Variants in DOCK5 observed in about 807,000 individuals in gnomAD.
The protein encoded by DOCK5 is dedicator of cytokinesis 5.
DOCK5 carries 142 observed loss-of-function variants against 251.8 expected under a neutral mutation model. The ratio of observed to expected loss-of-function variants is 0.56; its 90% confidence interval spans 0.49 to 0.65. The LOEUF (loss-of-function observed/expected upper bound fraction) is 0.65, where lower values mean the gene tolerates loss of function less well. DOCK5 is among the 30% of genes least tolerant of loss of function. DOCK5 has a pLI of 0.00. For synonymous variants in DOCK5, 842 were observed against 835.5 expected (o/e 1.01, Z -0.13); for missense variants, 2,111 against 2,312.3 (o/e 0.91, Z 1.79).
chr8:25,239,341 A>G (rs139076501), intron 1 of DOCK5, among the ~76,000 whole-genome samples: 1,495 of 142,148 alleles, frequency 0.011, 15 homozygotes, highest in African/African-American at 0.032. Context: ...GTGTGTGTGT[A>G]TGTGTGTGTG....
intron 1 of DOCK5, among the ~76,000 whole-genome samples, chr8:25,204,927 A>G (rs1801965178): frequency 6.6e-6 from 1 of 152,156 alleles, no homozygotes; most frequent in Admixed American, 6.5e-5. Flanking sequence ...CCTATGTTGA[A>G]GCCTCAGCCC....
chr8:25,270,905 A>G (rs1359694220), intron 3 of DOCK5: 2 of 671,752 alleles, frequency 3.0e-6, no homozygotes, highest in Admixed American at 2.0e-5. Context: ...ACTTTAAATC[A>G]TGTCTAGATT....
intron 1 of DOCK5, among the ~76,000 whole-genome samples, chr8:25,199,964 T>C (rs1586222778): frequency 2.5e-4 from 1 of 4,038 alleles, no homozygotes; most frequent in African/African-American, 8.7e-4. Context: ...TTGTTTTAGA[T>C]TTGTTAATTT....
chr8:25,216,182 AAT>A (rs200972375), intron 1 of DOCK5, among the ~76,000 whole-genome samples: 8,326 of 112,632 alleles, frequency 0.074, 422 homozygotes, highest in Admixed American at 0.12. Context: ...ATGTGCATAC[AAT>A]ATGTATATAT....
At chr8:25,250,692 G>C (rs1381043009) in intron 2 of DOCK5, among the ~76,000 whole-genome samples, 2 of 152,130 alleles carry the variant, frequency 1.3e-5, no homozygotes, top group South Asian at 2.1e-4. Flanking sequence ...TGCTCTCATA[G>C]GGTTTACATT....
chr8:25,302,159 A>G (rs777747539), intron 9 of DOCK5, among the ~76,000 whole-genome samples, 166 bp from the exon 10 acceptor site: 7 of 152,230 alleles, frequency 4.6e-5, no homozygotes, highest in East Asian at 1.9e-4. Context: ...TTCTGATGCC[A>G]TAATAGCTCT....
At chr8:25,330,789 G>T (rs986310765) in intron 18 of DOCK5, among the ~76,000 whole-genome samples, 1 of 152,140 alleles carries the variant, frequency 6.6e-6, no homozygotes, top group African/African-American at 2.4e-5. Context: ...GGGCGCAGTG[G>T]CTCACACTTG....
At chr8:25,283,865 C>T (rs984080953) in intron 5 of DOCK5, among the ~76,000 whole-genome samples, 6 of 152,100 alleles carry the variant, frequency 3.9e-5, no homozygotes, top group Non-Finnish European at 5.9e-5. Flanking sequence ...TGGTCTTTCC[C>T]TATACTGCTG....
At chr8:25,391,831 GAAGTC>G in intron 42 of DOCK5, 60 bp from the exon 43 acceptor site, 1 of 1,473,588 alleles carries the variant, frequency 6.8e-7, no homozygotes, top group Non-Finnish European at 9.4e-7. Context: ...AGGTTTTGTT[GAAGTC>G]AAGTCAAGCA....
chr8:25,233,765 T>G (rs1209380624), intron 1 of DOCK5, among the ~76,000 whole-genome samples: 1 of 129,028 alleles, frequency 7.8e-6, no homozygotes, highest in Non-Finnish European at 1.5e-5. Flanking sequence ...TTTAAAAAAT[T>G]TTGTTTTATT....
chr8:25,357,197 C>T (rs1157609696), intron 27 of DOCK5, among the ~76,000 whole-genome samples: 2 of 151,174 alleles, frequency 1.3e-5, no homozygotes, highest in African/African-American at 2.4e-5. Flanking sequence ...GAGTATTAAA[C>T]CTCAGTGTTA....
At chr8:25,237,905 A>G (rs931653057) in intron 1 of DOCK5, among the ~76,000 whole-genome samples, 1 of 152,184 alleles carries the variant, frequency 6.6e-6, no homozygotes, top group Non-Finnish European at 1.5e-5. Context: ...TTAGTAGCTC[A>G]TTCAAGGTCA....
At chr8:25,351,464 G>T in intron 26 of DOCK5, 1 of 395,224 alleles carries the variant, frequency 2.5e-6, no homozygotes, top group Non-Finnish European at 4.6e-6. Flanking sequence ...AGCTCTCAGT[G>T]AACCTGAGCA....
chr8:25,252,988 C>T (rs984652500), intron 2 of DOCK5, among the ~76,000 whole-genome samples: 1 of 152,236 alleles, frequency 6.6e-6, no homozygotes, highest in East Asian at 1.9e-4. Flanking sequence ...CGTGCCACCA[C>T]GCCCAGCTAA....
chr8:25,351,940 A>G (rs1800477434), intron 27 of DOCK5, 114 bp downstream of exon 27: 1 of 711,706 alleles, frequency 1.4e-6, no homozygotes, highest in African/African-American at 1.8e-5. Context: ...GGCCTCTCAC[A>G]TCATGGGTCA....
chr8:25,387,931 C>T (rs1563226642), intron 40 of DOCK5, among the ~76,000 whole-genome samples: 1 of 152,156 alleles, frequency 6.6e-6, no homozygotes, highest in Admixed American at 6.5e-5. Context: ...ATACAACTAG[C>T]GTTGTATTAC....
rs1805015612 is a variant in DOCK5 at position 25,308,849 on chromosome 8, G to T, written c.1116G>T (p.Val372=). ...LIMSPLITSH[V]IGENEPLTSV... ...TGTCGCCTTTGATAACATCACACGT[G>T]ATTGGGGAGAATGAGCCACTCACTT... Residue 372 remains valine (V), a synonymous_variant, in exon 12 of 52, where the codon GTG becomes GTT. Transcript: ENST00000276440. The T allele has an allele frequency of 6.2e-7, 1 of 1,613,904 alleles. No individual in the cohort carries two copies. Among genetic ancestry groups the T allele is most frequent in the East Asian group, 2.2e-5 (1 of 44,866 alleles).
chr8:25,331,795 T>TAG (rs1379706683), intron 18 of DOCK5, among the ~76,000 whole-genome samples: 10 of 36,534 alleles, frequency 2.7e-4, no homozygotes, highest in African/African-American at 5.7e-4. Flanking sequence ...TATATATATA[T>TAG]ATATATAGAG....
At chr8:25,253,641 C>T (rs764426233) in intron 2 of DOCK5, among the ~76,000 whole-genome samples, 16 of 152,262 alleles carry the variant, frequency 1.1e-4, no homozygotes, top group Middle Eastern at 3.4e-3. Flanking sequence ...TCATACTTCT[C>T]CTCTTGCTTA....
Sources: allele counts gnomAD v4.1 joint callset (sites outside exome capture counted in the v4.1 genomes callset), GRCh38; gene constraint gnomAD v4.1.1; transcripts MANE v1.5; gene names NCBI Gene and HGNC (gene_info 2026-07-23, HGNC 2026-07-21).